The following FRMD4A variants were observed in gnomAD, a reference collection of about 807,000 sequenced individuals.
The protein encoded by FRMD4A is FERM domain-containing protein 4A.
Under a neutral mutation model 129.1 loss-of-function variants are expected in FRMD4A, and 29 were observed. That is an observed-to-expected ratio of 0.22 (90% CI 0.17 to 0.31). The LOEUF is 0.31. FRMD4A is among the 10% of genes least tolerant of loss of function. The pLI is 1.00. For synonymous variants in FRMD4A, 634 were observed against 571.6 expected (o/e 1.11, Z -1.56); for missense variants, 1,272 against 1,375.8 (o/e 0.92, Z 1.19).
chr10:14,324,453 C>T (rs971022855), intron 2 of FRMD4A, among the ~76,000 whole-genome samples: 52 of 152,250 alleles, frequency 3.4e-4, no homozygotes, highest in Middle Eastern at 3.4e-3. Context: ...ATATTAGTTT[C>T]GCCCTTAGAC....
In FRMD4A at chr10:14,016,280, A is replaced by T. The variant is rs79944085; in HGVS notation, c.46-157368T>A. Among the ~76,000 whole-genome samples the T allele has an allele frequency of 4.5e-3, 690 of 152,304 alleles. 5 individuals are homozygous for T. The highest frequency in any genetic ancestry group is 6.0e-3 in the Non-Finnish European group (406 of 68,026). On this transcript the variant is annotated intron_variant, in intron 2 of 24. Coordinates refer to ENST00000357447, the MANE Select transcript of FRMD4A (RefSeq NM_018027.5). ...TATCATAGCAAGCATCAATCACTCAATCTTCATCATAGCGAGCATCAGTCA... is the reference window on the plus strand; with the variant it reads ...TATCATAGCAAGCATCAATCACTCATTCTTCATCATAGCGAGCATCAGTCA...
At chr10:13,851,672 C>T (rs1182150821) in intron 3 of FRMD4A, among the ~76,000 whole-genome samples, 2 of 151,902 alleles carry the variant, frequency 1.3e-5, no homozygotes, top group Admixed American at 6.6e-5. Flanking sequence ...GAGGCCGAGG[C>T]GGGTGGATCA....
chr10:14,000,955 C>A (rs1281930284), intron 2 of FRMD4A, among the ~76,000 whole-genome samples: 1 of 152,172 alleles, frequency 6.6e-6, no homozygotes, highest in African/African-American at 2.4e-5. Context: ...ATGGACCCAA[C>A]TTTCAAGGAG....
intron 2 of FRMD4A, among the ~76,000 whole-genome samples, chr10:14,097,668 T>A (rs947921768): frequency 6.6e-6 from 1 of 151,710 alleles, no homozygotes; most frequent in African/African-American, 2.4e-5. Flanking sequence ...TATATACTAG[T>A]TAGTTTTAGT....
chr10:13,947,449 C>A (rs1251565582), intron 2 of FRMD4A, among the ~76,000 whole-genome samples: 2 of 151,916 alleles, frequency 1.3e-5, no homozygotes, highest in African/African-American at 2.4e-5. Flanking sequence ...ACTCAGTTAC[C>A]CCTCTCTGTG....
chr10:14,218,389 G>A (rs1843139664), intron 2 of FRMD4A, among the ~76,000 whole-genome samples: 1 of 152,224 alleles, frequency 6.6e-6, no homozygotes, highest in African/African-American at 2.4e-5. Flanking sequence ...AACAGCTGAG[G>A]TATCATCCTT....
At chr10:13,707,978 A>G (rs2087640065) in intron 12 of FRMD4A, 2 of 722,594 alleles carry the variant, frequency 2.8e-6, no homozygotes, top group Non-Finnish European at 3.4e-6. Context: ...TGGATGAAAA[A>G]GAAAGTTACT....
chr10:14,076,060 C>T (rs753030637), intron 2 of FRMD4A, among the ~76,000 whole-genome samples: 3 of 152,164 alleles, frequency 2.0e-5, no homozygotes, highest in Non-Finnish European at 2.9e-5. Context: ...TTTATTTCCG[C>T]TGCTCACCTG....
At position 14,119,684 on chromosome 10, in the gene FRMD4A, ATAAT is replaced by A. The variant is rs559208501; in HGVS notation, c.45+210370_45+210373del. ...TTGGGCTGCTCTCTGCTCTGATTAA[ATAAT>A]TAATCACTCCCTAATTATGAAAGAC... On this transcript the variant is annotated intron_variant, in intron 2 of 24. Transcript: ENST00000357447. Among the ~76,000 whole-genome samples, 244 of 152,330 alleles carry A rather than the reference ATAAT, an allele frequency of 1.6e-3. 1 individual carries two copies. Among genetic ancestry groups the A allele is most frequent in the African/African-American group, 5.4e-3 (226 of 41,588 alleles).
chr10:14,145,453 T>C (rs1840029714), intron 2 of FRMD4A, among the ~76,000 whole-genome samples: 1 of 152,222 alleles, frequency 6.6e-6, no homozygotes, highest in Non-Finnish European at 1.5e-5. Context: ...CAATGACCAG[T>C]GACCGCATAT....
intron 6 of FRMD4A, among the ~76,000 whole-genome samples, chr10:13,776,122 T>A (rs2400013): frequency 0.63 from 95,482 of 151,940 alleles, 32,574 homozygotes; most frequent in East Asian, 0.95. Flanking sequence ...TTTTTCTTTG[T>A]GACAAAGTCT....
At chr10:14,037,757 T>A (rs551967366) in intron 2 of FRMD4A, among the ~76,000 whole-genome samples, 142 of 152,326 alleles carry the variant, frequency 9.3e-4, no homozygotes, top group African/African-American at 3.3e-3. Context: ...CACTCTTATG[T>A]TACAGTGAGG....
chr10:13,992,605 G>T (rs1565163240), intron 2 of FRMD4A, among the ~76,000 whole-genome samples: 1 of 152,128 alleles, frequency 6.6e-6, no homozygotes, highest in African/African-American at 2.4e-5. Context: ...ATTTCAGCAG[G>T]GAGTTGAGAA....
At chr10:14,040,151 C>G (rs1833721478) in intron 2 of FRMD4A, among the ~76,000 whole-genome samples, 1 of 152,080 alleles carries the variant, frequency 6.6e-6, no homozygotes, top group Non-Finnish European at 1.5e-5. Context: ...AGTCACACAG[C>G]CAGTCGAATG....
At chr10:14,182,712 G>C (rs1039872367) in intron 2 of FRMD4A, among the ~76,000 whole-genome samples, 4 of 152,194 alleles carry the variant, frequency 2.6e-5, no homozygotes, top group African/African-American at 7.2e-5. Flanking sequence ...CTTTAAGGCA[G>C]GTTCGACCGG....
At chr10:13,675,712 T>C in intron 15 of FRMD4A, 1 of 152,114 alleles carries the variant, frequency 6.6e-6, no homozygotes, top group East Asian at 1.9e-4. Context: ...TAAAACGTAT[T>C]TAAAATGTTA....
intron 2 of FRMD4A, among the ~76,000 whole-genome samples, chr10:13,953,206 C>G (rs2095385726): frequency 6.6e-6 from 1 of 152,180 alleles, no homozygotes; most frequent in South Asian, 2.1e-4. Flanking sequence ...TTGTGAAACT[C>G]AGGTTGCTTT....
chr10:14,231,576 G>C (rs1201179496), intron 2 of FRMD4A, among the ~76,000 whole-genome samples: 1 of 152,096 alleles, frequency 6.6e-6, no homozygotes, highest in African/African-American at 2.4e-5. Flanking sequence ...TCGATCTCCT[G>C]ACCTTTTGAT....
intron 4 of FRMD4A, among the ~76,000 whole-genome samples, chr10:13,798,251 A>C (rs753849586): frequency 2.3e-4 from 35 of 152,016 alleles, no homozygotes; most frequent in Non-Finnish European, 4.0e-4. Context: ...TCTCTACTAA[A>C]AATACAAAAA....
Sources: allele counts gnomAD v4.1 joint callset (sites outside exome capture counted in the v4.1 genomes callset), GRCh38; gene constraint gnomAD v4.1.1; transcripts MANE v1.5; gene names NCBI Gene and HGNC (gene_info 2026-07-23, HGNC 2026-07-21).